Variants in TESK2 observed in about 807,000 individuals in gnomAD.
TESK2 encodes testis associated actin remodelling kinase 2, also known as dual specificity testis-specific protein kinase 2.
A neutral mutation model predicts 57.1 loss-of-function variants in TESK2; 39 were observed. The observed-to-expected ratio is 0.68, with a 90% CI of 0.53 to 0.89. The LOEUF (loss-of-function observed/expected upper bound fraction) is 0.89. TESK2 is among the 40% of genes least tolerant of loss of function. TESK2 has a pLI of 0.00. For missense variants in TESK2, 646 were observed against 732.1 expected (o/e 0.88, Z 1.36); for synonymous variants, 249 against 267.9 (o/e 0.93, Z 0.69).
At position 45,445,192 on chromosome 1, in the gene TESK2, A is replaced by C. The variant is rs76865367; in HGVS notation, c.222+12372T>G. Among the ~76,000 whole-genome samples, 85 of 152,182 alleles carry C rather than the reference A, an allele frequency of 5.6e-4. No homozygotes were observed. The East Asian group carries it at 0.013, about 23-fold the overall frequency. On this transcript the variant is annotated intron_variant, in intron 2 of 10. Transcript: ENST00000372086. ...CAGTGAAAGAAGGCAGTTTCAACCCACTATGATCTCAACCTTGACCCAACC... is the reference window on the plus strand; with the variant it reads ...CAGTGAAAGAAGGCAGTTTCAACCCCCTATGATCTCAACCTTGACCCAACC...
intron 2 of TESK2, among the ~76,000 whole-genome samples, chr1:45,435,109 G>A (rs1459386875): frequency 6.6e-6 from 1 of 151,444 alleles, no homozygotes; most frequent in Non-Finnish European, 1.5e-5. Flanking sequence ...GACTACAGGT[G>A]TGCACCACCA....
At chr1:45,391,907 T>C (rs544519649) in intron 3 of TESK2, among the ~76,000 whole-genome samples, 2 of 152,342 alleles carry the variant, frequency 1.3e-5, no homozygotes, top group South Asian at 4.1e-4. Flanking sequence ...CTCTCTGCAA[T>C]TCAGTTTCTT....
At chr1:45,399,006 A>AC (rs1553149536) in intron 3 of TESK2, 2 of 428,128 alleles carry the variant, frequency 4.7e-6, no homozygotes, top group Admixed American at 2.7e-5. Flanking sequence ...AAAAAAAAAA[A>AC]ACAAGCCTTT....
chr1:45,347,689 C>G lies in TESK2; in HGVS notation c.628G>C (p.Gly210Arg). The G allele has an allele frequency of 6.2e-7, 1 of 1,614,114 alleles. No individual in the cohort carries two copies. Among genetic ancestry groups the G allele is most frequent in the Non-Finnish European group, 8.5e-7 (1 of 1,179,964 alleles). Residue 210 changes from glycine (G) to arginine (R), a missense_variant, in exon 7 of 11, where the codon GGG becomes CGG. Coordinates refer to ENST00000372086, the MANE Select transcript of TESK2 (RefSeq NM_007170.3). ...LAEKIPDVSM[G>R]SEKLAVVGSP... Reference sequence around the variant, plus strand: ...CCCACCACGGCCAGCTTCTCACTCCCCATGCTGTGGGGTGAGATTATACAG... The same window carrying G: ...CCCACCACGGCCAGCTTCTCACTCCGCATGCTGTGGGGTGAGATTATACAG...
At chr1:45,366,300 T>G (rs1333944861) in intron 4 of TESK2, among the ~76,000 whole-genome samples, 1 of 152,142 alleles carries the variant, frequency 6.6e-6, no homozygotes, top group African/African-American at 2.4e-5. Context: ...GTTGGCCAGC[T>G]GGTCTCAAAC....
intron 4 of TESK2, among the ~76,000 whole-genome samples, chr1:45,377,544 G>A (rs1336584862): frequency 4.0e-5 from 6 of 150,310 alleles, no homozygotes; most frequent in Admixed American, 1.3e-4. Context: ...TTAGCCTCCC[G>A]AGTAGCTGGG....
chr1:45,364,671 A>C (rs1363353840), intron 4 of TESK2, among the ~76,000 whole-genome samples: 1 of 152,220 alleles, frequency 6.6e-6, no homozygotes, highest in Non-Finnish European at 1.5e-5. Context: ...AGGGTACTGC[A>C]ACAGCCAGAT....
At chr1:45,367,656 A>ACAAAGCAT (rs1647985328) in intron 4 of TESK2, among the ~76,000 whole-genome samples, 2 of 125,268 alleles carry the variant, frequency 1.6e-5, no homozygotes, top group Non-Finnish European at 3.3e-5. Context: ...GTCACAAAGC[A>ACAAAGCAT]TTTTTTTTTT....
At chr1:45,372,690 A>G (rs1467537212) in intron 4 of TESK2, among the ~76,000 whole-genome samples, 1 of 151,824 alleles carries the variant, frequency 6.6e-6, no homozygotes, top group Non-Finnish European at 1.5e-5. Flanking sequence ...GCTGTAATGC[A>G]CTATGAACTC....
intron 1 of TESK2, among the ~76,000 whole-genome samples, 190 bp downstream of exon 1, chr1:45,490,662 G>A (rs2149311463): frequency 6.6e-6 from 1 of 152,178 alleles, no homozygotes; most frequent in Admixed American, 6.5e-5. Flanking sequence ...AAGTGAGAAG[G>A]AAAGGGGAAA....
intron 3 of TESK2, among the ~76,000 whole-genome samples, chr1:45,416,288 C>G (rs991575863): frequency 6.6e-6 from 1 of 151,022 alleles, no homozygotes. Flanking sequence ...GTTTTCTCTA[C>G]AAAAACCATG....
intron 3 of TESK2, among the ~76,000 whole-genome samples, chr1:45,418,024 A>G (rs1475270042): frequency 6.6e-6 from 1 of 152,216 alleles, no homozygotes; most frequent in Non-Finnish European, 1.5e-5. Context: ...TTGCTAGTTC[A>G]GTTCACAGTG....
At chr1:45,440,454 C>A (rs1651398057) in intron 2 of TESK2, among the ~76,000 whole-genome samples, 2 of 152,022 alleles carry the variant, frequency 1.3e-5, no homozygotes, top group African/African-American at 4.8e-5. Context: ...TGGCTCATGC[C>A]CGTAATCCCA....
chr1:45,443,450 G>A (rs1651523685), intron 2 of TESK2, among the ~76,000 whole-genome samples: 1 of 150,918 alleles, frequency 6.6e-6, no homozygotes, highest in African/African-American at 2.4e-5. Context: ...CATGCCTGTG[G>A]TCCCAGCTAC....
intron 4 of TESK2, among the ~76,000 whole-genome samples, chr1:45,371,313 T>G (rs1226842409): frequency 6.6e-6 from 1 of 152,186 alleles, no homozygotes; most frequent in Admixed American, 6.5e-5. Context: ...CCCATGTTCA[T>G]AGCAGCATAA....
At chr1:45,489,374 T>C (rs1454985948) in intron 1 of TESK2, among the ~76,000 whole-genome samples, 4 of 152,184 alleles carry the variant, frequency 2.6e-5, no homozygotes, top group African/African-American at 9.7e-5. Flanking sequence ...TACCATTCCA[T>C]ACTAAGGCAC....
chr1:45,454,085 A>G (rs1040586616), intron 2 of TESK2, among the ~76,000 whole-genome samples: 3 of 152,188 alleles, frequency 2.0e-5, no homozygotes, highest in Non-Finnish European at 4.4e-5. Flanking sequence ...AAATGGCACA[A>G]CCACTACGGA....
chr1:45,384,914 C>T (rs1648829132), intron 4 of TESK2, among the ~76,000 whole-genome samples: 1 of 152,044 alleles, frequency 6.6e-6, no homozygotes, highest in African/African-American at 2.4e-5. Context: ...CAGGGCATAG[C>T]TGCACACATT....
chr1:45,410,775 T>A (rs1324203053), intron 3 of TESK2, among the ~76,000 whole-genome samples: 1 of 151,764 alleles, frequency 6.6e-6, no homozygotes, highest in African/African-American at 2.4e-5. Flanking sequence ...ATTTTTTATT[T>A]TTTTTTTAAC....
Sources: allele counts gnomAD v4.1 joint callset (sites outside exome capture counted in the v4.1 genomes callset), GRCh38; gene constraint gnomAD v4.1.1; transcripts MANE v1.5; gene names NCBI Gene and HGNC (gene_info 2026-07-23, HGNC 2026-07-21).